The following MOBP variants were observed in gnomAD, a reference collection of about 807,000 sequenced individuals.
MOBP encodes the protein myelin associated oligodendrocyte basic protein.
A neutral mutation model predicts 15.0 loss-of-function variants in MOBP; 5 were observed. The ratio of observed to expected loss-of-function variants is 0.33; its 90% confidence interval spans 0.17 to 0.70. MOBP has a LOEUF of 0.70. Among genes scored for constraint, MOBP ranks in the 30% least tolerant of loss-of-function variants. The pLI is 0.67. For missense variants in MOBP, 188 were observed against 257.8 expected, an observed-to-expected ratio of 0.73 and a Z score of 1.85; for synonymous variants, 88 against 99.0, an observed-to-expected ratio of 0.89 and a Z score of 0.66.
At chr3:39,505,074 C>T (rs748999833), downstream of MOBP, among the ~76,000 whole-genome samples, 1 of 152,166 alleles carries the variant, frequency 6.6e-6, no homozygotes, top group Non-Finnish European at 1.5e-5. Context: ...AGGAGGAAAC[C>T]GTGGCATCTC....
At chr3:39,526,878 G>A (rs947217564), downstream of MOBP, 1 of 144,550 alleles carries the variant, frequency 6.9e-6, no homozygotes, top group African/African-American at 2.6e-5. Context: ...CCGGGTTCAA[G>A]CCATTCTCCT....
chr3:39,512,486 A>G (rs1246495385), intron 4 of MOBP, among the ~76,000 whole-genome samples: 12 of 152,140 alleles, frequency 7.9e-5, no homozygotes, highest in Admixed American at 2.6e-4. Context: ...TTTTAATAAC[A>G]TATTTCTGCA....
chr3:39,488,091 C>T (rs1304211035), intron 2 of MOBP, among the ~76,000 whole-genome samples: 1 of 152,032 alleles, frequency 6.6e-6, no homozygotes, highest in East Asian at 1.9e-4. Context: ...TGATTTATTT[C>T]TAGGTACTTC....
At chr3:39,475,651 G>C (rs2042535601) in intron 1 of MOBP, among the ~76,000 whole-genome samples, 1 of 151,512 alleles carries the variant, frequency 6.6e-6, no homozygotes, top group South Asian at 2.1e-4. Context: ...TTTATTCCTT[G>C]GTTTATAATC....
chr3:39,495,674 G>A (rs2042868021), intron 2 of MOBP, among the ~76,000 whole-genome samples: 1 of 147,870 alleles, frequency 6.8e-6, no homozygotes, highest in Admixed American at 6.9e-5. Flanking sequence ...GATTGCTTGA[G>A]CCCAGGTGGT....
At chr3:39,522,197 T>C (rs2125676103) in intron 3 of MOBP, among the ~76,000 whole-genome samples, 1 of 152,318 alleles carries the variant, frequency 6.6e-6, no homozygotes, top group Middle Eastern at 3.4e-3. Context: ...GTCTCTAAGC[T>C]TCATTTTACA....
intron 1 of MOBP, among the ~76,000 whole-genome samples, chr3:39,472,632 T>C (rs2042487315): frequency 6.6e-6 from 1 of 152,220 alleles, no homozygotes; most frequent in African/African-American, 2.4e-5. Context: ...AGCCAAAAAA[T>C]TGGGCGCCAC....
At chr3:39,499,756 A>C (rs1708054) in intron 2 of MOBP, 5,171 of 303,274 alleles carry the variant, frequency 0.017, 224 homozygotes, top group African/African-American at 0.095. Context: ...TGGGCTAGAC[A>C]CTTCACCTGC....
At chr3:39,524,008 G>T (rs991554317) in intron 3 of MOBP, among the ~76,000 whole-genome samples, 1 of 152,114 alleles carries the variant, frequency 6.6e-6, no homozygotes, top group African/African-American at 2.4e-5. Flanking sequence ...ATAATCTAAA[G>T]GTTTAGCACA....
At chr3:39,495,183 A>C (rs1334699201) in intron 2 of MOBP, among the ~76,000 whole-genome samples, 1 of 152,188 alleles carries the variant, frequency 6.6e-6, no homozygotes, top group Admixed American at 6.5e-5. Flanking sequence ...TCATAAAGCA[A>C]ATTTGAACAA....
chr3:39,495,518 A>G (rs4359752), intron 2 of MOBP, among the ~76,000 whole-genome samples: 43,785 of 151,228 alleles, frequency 0.29, 7,583 homozygotes, highest in African/African-American at 0.48. Flanking sequence ...GGTGGCTCAC[A>G]CCTGTAATCC....
chr3:39,522,086 T>C (rs1234985439), intron 3 of MOBP, among the ~76,000 whole-genome samples: 1 of 152,176 alleles, frequency 6.6e-6, no homozygotes, highest in Non-Finnish European at 1.5e-5. Flanking sequence ...AGAGGTGGTA[T>C]GTAAGGTGGT....
Position 39,521,723 on chromosome 3 carries a change from CAAAAAT to C in MOBP, c.*259-2519_*259-2514del, listed in dbSNP as rs150586653. Among the ~76,000 whole-genome samples, 661 of 152,224 alleles carry C rather than the reference CAAAAAT, an allele frequency of 4.3e-3. 4 individuals are homozygous for C. The highest frequency in any genetic ancestry group is 0.015 in the African/African-American group (622 of 41,546). ...GGGTTTTACTGAGTATGTAAAGACT[CAAAAAT>C]GAAAATGTCCGACTAAAAAGCAGAG... On this transcript the variant is annotated intron_variant and NMD_transcript_variant, in intron 3 of 4. Transcript: ENST00000424090.
downstream of MOBP, chr3:39,526,749 T>C (rs1343550861): frequency 6.6e-6 from 1 of 150,742 alleles, no homozygotes; most frequent in African/African-American, 2.4e-5. Flanking sequence ...TGTAAATATT[T>C]CCACAATGCA....
downstream of MOBP, among the ~76,000 whole-genome samples, chr3:39,518,199 C>A (rs1370089628): frequency 6.6e-6 from 1 of 152,172 alleles, no homozygotes; most frequent in African/African-American, 2.4e-5. Context: ...TCTGGAGAGG[C>A]TGGTGGGCTC....
Position 39,502,946 on chromosome 3 carries a change from C to A in MOBP, c.*66C>A, listed in dbSNP as rs181948363. 1.4e-6 allele frequency: 1 copy of A among 740,490 alleles called. No homozygotes were observed. The highest frequency in any genetic ancestry group is 2.2e-6 in the Non-Finnish European group (1 of 462,678). 45.9% of individuals were successfully genotyped at this position (740,490 alleles called of 1,614,324 possible). On this transcript the variant is annotated 3_prime_UTR_variant, in exon 4 of 4. Transcript: ENST00000684792. This position sits in a 1 kb window ranked among gnomAD's most constrained non-coding sequence, Gnocchi z 6.3. ...AGTTGCTTCCTGTGTTTACTAACAC[C>A]GGGCTGTCTCCATGGCCCTCTTCAG...
In MOBP at chr3:39,482,365, C is replaced by G. The variant is rs528576263; in HGVS notation, c.-5+2242C>G. Among the ~76,000 whole-genome samples the G allele has an allele frequency of 1.2e-4, 18 of 152,260 alleles. No homozygotes were observed. In the South Asian group the frequency reaches 3.7e-3, roughly 32 times the overall value. ...TGGAAGTGATCTTACAAAAACGCAC[C>G]TCTGGGTCGGGCACGGTGGCTCATG... is the stretch of plus-strand genomic sequence containing the variant. On this transcript the variant is annotated intron_variant, in intron 2 of 3. Coordinates refer to ENST00000684792, the MANE Select transcript of MOBP (RefSeq NM_001393704.1).
At chr3:39,491,097 A>G (rs3856566) in intron 2 of MOBP, among the ~76,000 whole-genome samples, 1 of 152,036 alleles carries the variant, frequency 6.6e-6, no homozygotes, top group African/African-American at 2.4e-5. Context: ...TCTGTTCCTT[A>G]AAGTGGGAAC....
At chr3:39,507,561 C>T (rs9869064), downstream of MOBP, among the ~76,000 whole-genome samples, 3 of 152,070 alleles carry the variant, frequency 2.0e-5, no homozygotes, top group Non-Finnish European at 4.4e-5. Flanking sequence ...AGGTCATGCC[C>T]GAGAATGAGC....
Sources: allele counts gnomAD v4.1 joint callset (sites outside exome capture counted in the v4.1 genomes callset), GRCh38; gene constraint gnomAD v4.1.1; non-coding constraint Gnocchi (gnomAD v3.1); transcripts MANE v1.5; gene names NCBI Gene and HGNC (gene_info 2026-07-23, HGNC 2026-07-21).